Variants in AP1M1 observed in about 807,000 individuals in gnomAD.
AP1M1 encodes the protein adaptor related protein complex 1 subunit mu 1.
A neutral mutation model predicts 57.1 loss-of-function variants in AP1M1; 18 were observed. The observed-to-expected ratio is 0.32, with a 90% confidence interval of 0.22 to 0.47. AP1M1 has a LOEUF of 0.47. Among genes scored for constraint, AP1M1 ranks in the 20% least tolerant of loss-of-function variants. The probability of loss-of-function intolerance (pLI) is 1.00; values close to 1 mark genes in which losing one functional copy is unlikely to be tolerated. For synonymous variants in AP1M1, 241 were observed against 237.9 expected, an observed-to-expected ratio of 1.01 and a Z score of -0.12; for missense variants, 362 against 593.5, an observed-to-expected ratio of 0.61 and a Z score of 4.05.
intron 11 of AP1M1, 47 bp from the exon 12 acceptor site, chr19:16,234,366 C>T: frequency 6.2e-7 from 1 of 1,613,856 alleles, no homozygotes; most frequent in Non-Finnish European, 8.5e-7. Context: ...GTCCCGAAAG[C>T]AGGGAGGGTG....
Position 16,208,122 on chromosome 19 carries a change from A to G in AP1M1, c.371A>G (p.Gln124Arg). The G allele has an allele frequency of 1.2e-6, 2 of 1,613,206 alleles. No individual in the cohort carries two copies. The highest frequency in any genetic ancestry group is 1.7e-6 in the Non-Finnish European group (2 of 1,179,604). Residue 124 changes from glutamine to arginine, a missense_variant, in exon 4 of 12, where the codon CAG becomes CGG. By Grantham distance (43) the Gln-to-Arg change is conservative (BLOSUM62 1). Coordinates refer to ENST00000291439, the MANE Select transcript of AP1M1 (RefSeq NM_032493.4). ...GAGCTCATGGACTTCGGCTACCCCC[A>G]GACCACCGACAGCAAGATCCTGCAG... ...LDELMDFGYP[Q>R]TTDSKILQEY...
chr19:16,231,089 C>A (rs1339575238), intron 9 of AP1M1, among the ~76,000 whole-genome samples: 1 of 151,868 alleles, frequency 6.6e-6, no homozygotes, highest in Non-Finnish European at 1.5e-5. Context: ...GAGATCAAGA[C>A]CATCCTGGCT....
In AP1M1 at chr19:16,236,563, T is replaced by C. The variant is rs2091625686; in HGVS notation, c.*2128T>C. On this transcript the variant is annotated 3_prime_UTR_variant, in exon 12 of 12. Coordinates refer to ENST00000291439, the MANE Select transcript of AP1M1 (RefSeq NM_032493.4). ...AGTGGAGATGACTCCTGCGTGAAGC[T>C]GGGATCCTCGAGGGTCATGATACTT... 3 of 152,168 alleles carry C rather than the reference T, an allele frequency of 2.0e-5. No individual in the cohort carries two copies. The highest frequency in any genetic ancestry group is 2.0e-4 in the Admixed American group (3 of 15,258). 9.4% of individuals were successfully genotyped at this position (152,168 alleles called of 1,614,324 possible). A position where few individuals can be genotyped will look rare whatever the true frequency, so the allele number is the denominator to read the frequency against.
At position 16,197,987 on chromosome 19, in the gene AP1M1, C is replaced by G; in HGVS notation, c.-40C>G. On this transcript the variant is annotated 5_prime_UTR_variant, in exon 1 of 12. Transcript: ENST00000291439. Reference sequence around the variant, plus strand: ...GCAGTCCCCACCGTCGCTGCCGCCGCCACCGCCCTCGGCCGCTGCCGAGGC... The same window carrying G: ...GCAGTCCCCACCGTCGCTGCCGCCGGCACCGCCCTCGGCCGCTGCCGAGGC... 6 of 1,542,902 alleles carry G rather than the reference C, an allele frequency of 3.9e-6. No homozygotes were observed. The highest frequency in any genetic ancestry group is 5.2e-6 in the Non-Finnish European group (6 of 1,147,104).
chr19:16,223,350 A>G (rs986718673), intron 5 of AP1M1, among the ~76,000 whole-genome samples: 2 of 152,210 alleles, frequency 1.3e-5, no homozygotes, highest in Non-Finnish European at 2.9e-5. Flanking sequence ...GCTCGATTCT[A>G]GAGAGTTCTG....
At chr19:16,233,889 C>G (rs1599468423) in intron 10 of AP1M1, among the ~76,000 whole-genome samples, 1 of 152,158 alleles carries the variant, frequency 6.6e-6, no homozygotes, top group Non-Finnish European at 1.5e-5. Context: ...TCCCTGGCAC[C>G]CCCTCAAAAG....
intron 1 of AP1M1, among the ~76,000 whole-genome samples, chr19:16,200,259 G>A (rs751403): frequency 0.11 from 16,470 of 152,178 alleles, 1,089 homozygotes; most frequent in East Asian, 0.3. Flanking sequence ...AGTGGAAGGG[G>A]GAGGTGGTTA....
Position 16,240,916 on chromosome 19 carries a change from T to C in AP1M1, c.*6481T>C, listed in dbSNP as rs2446360. Reference sequence around the variant, plus strand: ...ATTAAAATGTCTCTCCAAAGAGCAATTGGACAGAGAACTGGTTTCACAACT... The same window carrying C: ...ATTAAAATGTCTCTCCAAAGAGCAACTGGACAGAGAACTGGTTTCACAACT... On this transcript the variant is annotated 3_prime_UTR_variant, in exon 12 of 12. Transcript: ENST00000291439. 25,117 of 152,114 alleles carry C rather than the reference T, an allele frequency of 0.17. 3,626 individuals carry two copies. The highest frequency in any genetic ancestry group is 0.37 in the African/African-American group (15,525 of 41,466). The allele number at this position is 152,114 out of a possible 1,614,324, so 9.4% of individuals were successfully genotyped here.
At chr19:16,217,400 G>A (rs1372746590) in intron 5 of AP1M1, among the ~76,000 whole-genome samples, 3 of 152,118 alleles carry the variant, frequency 2.0e-5, no homozygotes, top group Admixed American at 6.5e-5. Context: ...GTCCACCCAC[G>A]CACACACCAC....
In AP1M1 at chr19:16,227,339, C is replaced by A. The variant is rs1281999589; in HGVS notation, c.674-209C>A. Among the ~76,000 whole-genome samples the A allele has an allele frequency of 6.6e-6, 1 of 152,078 alleles. No individual in the cohort carries two copies. Among genetic ancestry groups the A allele is most frequent in the Non-Finnish European group, 1.5e-5 (1 of 67,958 alleles). On this transcript the variant is annotated intron_variant, in intron 6 of 11. Transcript: ENST00000291439. The surrounding 1 kb of genome is among the most constrained non-coding windows in gnomAD (Gnocchi z 6.2). ...GGGGACTCAGCATGAACCAGACCCACCAGCCCTGCCCCTGGGGACCCCAGG... is the reference window on the plus strand; with the variant it reads ...GGGGACTCAGCATGAACCAGACCCAACAGCCCTGCCCCTGGGGACCCCAGG...
At chr19:16,204,859 C>G (rs982106694) in intron 2 of AP1M1, among the ~76,000 whole-genome samples, 116 of 147,478 alleles carry the variant, frequency 7.9e-4, no homozygotes, top group African/African-American at 2.8e-3. Context: ...GAGACAGAGT[C>G]TCGCTCTGTC....
rs2091636011 is a variant in AP1M1 at position 16,239,186 on chromosome 19, C to G, written c.*4751C>G. 1 of 144,656 alleles carries G rather than the reference C, an allele frequency of 6.9e-6. No homozygotes were observed. The highest frequency in any genetic ancestry group is 1.5e-5 in the Non-Finnish European group (1 of 66,192). The allele number at this position is 144,656 out of a possible 1,614,324, so 9.0% of individuals were successfully genotyped here. A position where few individuals can be genotyped will look rare whatever the true frequency, so the allele number is the denominator to read the frequency against. On this transcript the variant is annotated 3_prime_UTR_variant, in exon 12 of 12. Transcript: ENST00000291439. ...GGCTTCAGGTGATCCGCCCCCCTCACCTTCCCAAAGTGCTGGGATTACAGG... is the reference window on the plus strand; with the variant it reads ...GGCTTCAGGTGATCCGCCCCCCTCAGCTTCCCAAAGTGCTGGGATTACAGG...
In AP1M1 at chr19:16,197,975, T is replaced by TCGCTGACGCCGCCACCGCCCTCGGC; in HGVS notation, c.-47_-46insACGCCGCCACCGCCCTCGGCCGCTG. The TCGCTGACGCCGCCACCGCCCTCGGC allele has an allele frequency of 4.1e-6, 6 of 1,451,812 alleles. No homozygotes were observed. The highest frequency in any genetic ancestry group is 2.4e-5 in the Admixed American group (1 of 42,448). The allele number at this position is 1,451,812 out of a possible 1,614,324, so 89.9% of individuals were successfully genotyped here. On this transcript the variant is annotated 5_prime_UTR_variant, in exon 1 of 12. Coordinates refer to ENST00000291439, the MANE Select transcript of AP1M1 (RefSeq NM_032493.4). The stretch of plus-strand genomic sequence containing the variant: ...GCTCAACGCCCAGCAGTCCCCACCG[T>TCGCTGACGCCGCCACCGCCCTCGGC]CGCTGCCGCCGCCACCGCCCTCGGC...
In AP1M1 at chr19:16,239,203, G is replaced by A. The variant is rs1470558831; in HGVS notation, c.*4768G>A. ...CCCCCTCACCTTCCCAAAGTGCTGG[G>A]ATTACAGGCATGAGCCACCGCGCCC... is the stretch of plus-strand genomic sequence containing the variant. On this transcript the variant is annotated 3_prime_UTR_variant, in exon 12 of 12. Transcript: ENST00000291439. 4 of 141,396 alleles carry A rather than the reference G, an allele frequency of 2.8e-5. No individual in the cohort carries two copies. The highest frequency in any genetic ancestry group is 7.3e-5 in the Admixed American group (1 of 13,788). The allele number at this position is 141,396 out of a possible 1,614,324, so 8.8% of individuals were successfully genotyped here. A position where few individuals can be genotyped will look rare whatever the true frequency, so the allele number is the denominator to read the frequency against.
chr19:16,231,475 C>G (rs975232945), intron 9 of AP1M1, among the ~76,000 whole-genome samples: 1 of 151,536 alleles, frequency 6.6e-6, no homozygotes, highest in Non-Finnish European at 1.5e-5. Context: ...GGCACGATCT[C>G]GGCTTACTGC....
At chr19:16,210,438 C>CGG in intron 5 of AP1M1, 1 of 716,112 alleles carries the variant, frequency 1.4e-6, no homozygotes. Flanking sequence ...CAAACCATTG[C>CGG]TGTTTTGCAT....
intron 5 of AP1M1, among the ~76,000 whole-genome samples, chr19:16,209,942 C>T (rs6512090): frequency 0.66 from 100,172 of 152,090 alleles, 35,236 homozygotes; most frequent in Non-Finnish European, 0.8. Flanking sequence ...GGACACAGAA[C>T]CTCAAAACCT....
chr19:16,206,276 G>A lies in AP1M1; in HGVS notation c.200-65G>A. On this transcript the variant is annotated intron_variant, in intron 2 of 11. Transcript: ENST00000291439. This position sits in a 1 kb window ranked among gnomAD's most constrained non-coding sequence, Gnocchi z 4.3. ...TGTGAGGGTTAGGGGGTCCCTCCAT[G>A]AACCAGGATCTTCCAGGCAGCAGCC... 1.9e-6 allele frequency: 3 copies of A among 1,560,110 alleles called. No homozygotes were observed. The highest frequency in any genetic ancestry group is 2.6e-6 in the Non-Finnish European group (3 of 1,132,596).
chr19:16,217,699 C>T (rs1190083599), intron 5 of AP1M1, among the ~76,000 whole-genome samples: 1 of 152,154 alleles, frequency 6.6e-6, no homozygotes, highest in African/African-American at 2.4e-5. Flanking sequence ...GGCAAGACTA[C>T]CCTGGAGAGT....
Sources: gnomAD v4.1 joint callset for allele counts (sites outside exome capture counted in the v4.1 genomes callset) on GRCh38, gnomAD v4.1.1 for gene constraint, Gnocchi (gnomAD v3.1) non-coding constraint, MANE v1.5 for transcripts, NCBI Gene and HGNC (gene_info 2026-07-23, HGNC 2026-07-21) for gene names.